SLC24A3: variants seen among roughly 807,000 people sequenced by gnomAD.
SLC24A3 encodes the protein sodium/potassium/calcium exchanger 3.
In SLC24A3, 28 loss-of-function variants were observed where a neutral mutation model predicts 75.8. The ratio of observed to expected loss-of-function variants is 0.37; its 90% CI spans 0.27 to 0.51. The LOEUF (loss-of-function observed/expected upper bound fraction) is 0.51, where lower values mean the gene tolerates loss of function less well. SLC24A3 is among the 20% of genes least tolerant of loss of function. SLC24A3 has a pLI of 0.94. For missense variants in SLC24A3, 663 were observed against 847.8 expected (o/e 0.78, Z 2.71); for synonymous variants, 372 against 334.1 (o/e 1.11, Z -1.24).
intron 9 of SLC24A3, among the ~76,000 whole-genome samples, chr20:19,678,574 C>T: frequency 6.8e-6 from 1 of 147,890 alleles, no homozygotes; most frequent in African/African-American, 2.5e-5. Context: ...TCCTCACTTC[C>T]CAGTAGGGGC....
chr20:19,325,897 A>G (rs1984849478), intron 2 of SLC24A3, among the ~76,000 whole-genome samples: 2 of 149,824 alleles, frequency 1.3e-5, no homozygotes, highest in African/African-American at 2.5e-5. Context: ...TATGTTTCAT[A>G]TACACTTTAT....
At chr20:19,599,641 A>G (rs777633117) in intron 6 of SLC24A3, among the ~76,000 whole-genome samples, 4 of 152,166 alleles carry the variant, frequency 2.6e-5, no homozygotes, top group Non-Finnish European at 4.4e-5. Flanking sequence ...CTCTATTCCG[A>G]GCTACGTTTA....
At chr20:19,535,624 G>T (rs957694551) in intron 3 of SLC24A3, among the ~76,000 whole-genome samples, 1 of 152,124 alleles carries the variant, frequency 6.6e-6, no homozygotes, top group Non-Finnish European at 1.5e-5. Flanking sequence ...GAGAAATAGG[G>T]GCTTCCACAT....
intron 6 of SLC24A3, among the ~76,000 whole-genome samples, chr20:19,623,804 T>C (rs1021742214): frequency 3.2e-4 from 48 of 152,224 alleles, no homozygotes; most frequent in African/African-American, 1.1e-3. Flanking sequence ...GAGCGAAACA[T>C]CTGTGGATGA....
At chr20:19,435,027 A>G (rs1987174573) in intron 2 of SLC24A3, among the ~76,000 whole-genome samples, 1 of 152,264 alleles carries the variant, frequency 6.6e-6, no homozygotes, top group Admixed American at 6.5e-5. Flanking sequence ...GGTGCTCTGC[A>G]TATCTTTGGA....
chr20:19,702,259 T>C (rs1413967499), intron 15 of SLC24A3, among the ~76,000 whole-genome samples: 7 of 152,344 alleles, frequency 4.6e-5, no homozygotes, highest in African/African-American at 1.4e-4. Flanking sequence ...CCCAGAGCTA[T>C]GAAAGTATAC....
chr20:19,593,095 T>A (rs1462817778), intron 6 of SLC24A3, among the ~76,000 whole-genome samples: 1 of 152,214 alleles, frequency 6.6e-6, no homozygotes, highest in African/African-American at 2.4e-5. Context: ...CGCACATGGC[T>A]GGCAAAGACT....
chr20:19,644,441 C>T (rs762443659), intron 6 of SLC24A3, among the ~76,000 whole-genome samples: 9 of 152,140 alleles, frequency 5.9e-5, no homozygotes, highest in East Asian at 1.9e-4. Flanking sequence ...AGCTCCCCGG[C>T]GATGCTGATA....
intron 2 of SLC24A3, among the ~76,000 whole-genome samples, chr20:19,395,552 C>T (rs909125411): frequency 1.3e-5 from 2 of 152,138 alleles, no homozygotes; most frequent in African/African-American, 4.8e-5. Flanking sequence ...TAGAGAACTA[C>T]AAATTAGACA....
intron 2 of SLC24A3, among the ~76,000 whole-genome samples, chr20:19,495,763 T>C (rs1257981013): frequency 2.0e-5 from 3 of 152,192 alleles, no homozygotes; most frequent in East Asian, 1.9e-4. Flanking sequence ...CACAGAAAAG[T>C]ACAATCTTTT....
At chr20:19,449,076 G>A (rs1198444755) in intron 2 of SLC24A3, among the ~76,000 whole-genome samples, 1 of 152,234 alleles carries the variant, frequency 6.6e-6, no homozygotes, top group Non-Finnish European at 1.5e-5. Flanking sequence ...TGAGTGGGCA[G>A]GGAGAGGGAG....
intron 3 of SLC24A3, among the ~76,000 whole-genome samples, chr20:19,549,377 A>T (rs1003235844): frequency 6.6e-6 from 1 of 152,254 alleles, no homozygotes; most frequent in Non-Finnish European, 1.5e-5. Flanking sequence ...AAAAGTTGAT[A>T]TTGTAGAATC....
At chr20:19,330,695 A>G (rs1439438077) in intron 2 of SLC24A3, among the ~76,000 whole-genome samples, 1 of 152,232 alleles carries the variant, frequency 6.6e-6, no homozygotes, top group Non-Finnish European at 1.5e-5. Flanking sequence ...CTATCACAGT[A>G]AAGATTGGTC....
At chr20:19,241,378 G>A (rs950787483) in intron 1 of SLC24A3, among the ~76,000 whole-genome samples, 2 of 152,156 alleles carry the variant, frequency 1.3e-5, no homozygotes, top group Non-Finnish European at 2.9e-5. Context: ...GTAGCTCAGA[G>A]CTGTCCACCC....
At chr20:19,366,917 A>G (rs1443954905) in intron 2 of SLC24A3, among the ~76,000 whole-genome samples, 3 of 152,140 alleles carry the variant, frequency 2.0e-5, no homozygotes, top group African/African-American at 7.2e-5. Context: ...TGGAGACAGC[A>G]TTCTGGGAAG....
At chr20:19,710,441 G>C (rs990120929) in intron 15 of SLC24A3, among the ~76,000 whole-genome samples, 27 of 152,312 alleles carry the variant, frequency 1.8e-4, no homozygotes, top group African/African-American at 6.3e-4. Context: ...CCACCCTCCT[G>C]TTTCCTCCAC....
chr20:19,236,934 C>T (rs141131837), intron 1 of SLC24A3, among the ~76,000 whole-genome samples: 170 of 152,196 alleles, frequency 1.1e-3, no homozygotes, highest in African/African-American at 3.9e-3. Flanking sequence ...CTCTATTTTT[C>T]GGTAGAGTTT....
chr20:19,654,349 G>T (rs1319541066), intron 7 of SLC24A3, among the ~76,000 whole-genome samples: 1 of 151,980 alleles, frequency 6.6e-6, no homozygotes, highest in Admixed American at 6.6e-5. Flanking sequence ...TTTAGACTTG[G>T]GTTATCTGGG....
chr20:19,360,216 G>A (rs184326712), intron 2 of SLC24A3, among the ~76,000 whole-genome samples: 3 of 152,366 alleles, frequency 2.0e-5, no homozygotes, highest in South Asian at 4.1e-4. Flanking sequence ...TATGTTTGCA[G>A]TCAGACACGA....
Sources: gnomAD v4.1 joint callset for allele counts (sites outside exome capture counted in the v4.1 genomes callset) on GRCh38, gnomAD v4.1.1 for gene constraint, MANE v1.5 for transcripts, NCBI Gene and HGNC (gene_info 2026-07-23, HGNC 2026-07-21) for gene names.